ARHGAP25: variants seen among roughly 807,000 people sequenced by gnomAD.
ARHGAP25 encodes Rho GTPase activating protein 25.
ARHGAP25 carries 34 observed loss-of-function variants against 71.0 expected under a neutral mutation model. The ratio of observed to expected loss-of-function variants is 0.48; its 90% CI spans 0.36 to 0.64. The LOEUF (loss-of-function observed/expected upper bound fraction) is 0.64. Among genes scored for constraint, ARHGAP25 ranks in the 30% least tolerant of loss-of-function variants. The pLI, the probability that ARHGAP25 is intolerant of heterozygous loss-of-function variation, is 0.00. For synonymous variants in ARHGAP25, 282 were observed against 296.5 expected, an observed-to-expected ratio of 0.95 and a Z score of 0.50; for missense variants, 706 against 805.1, an observed-to-expected ratio of 0.88 and a Z score of 1.49.
At chr2:68,733,853 C>T (rs959979567), upstream of ARHGAP25, among the ~76,000 whole-genome samples, 1 of 152,196 alleles carries the variant, frequency 6.6e-6, no homozygotes, top group Non-Finnish European at 1.5e-5. Flanking sequence ...GTTCTGAGCA[C>T]TTTGTACTGG....
intron 4 of ARHGAP25, among the ~76,000 whole-genome samples, chr2:68,796,105 G>A (rs1454985114): frequency 1.3e-5 from 2 of 152,042 alleles, no homozygotes; most frequent in Admixed American, 6.6e-5. Flanking sequence ...CTTTTGCTTG[G>A]TCTAGTCTGC....
chr2:68,818,924 C>T (rs940135299), intron 8 of ARHGAP25, among the ~76,000 whole-genome samples, 199 bp from the exon 9 acceptor site: 8 of 152,248 alleles, frequency 5.3e-5, no homozygotes, highest in Admixed American at 3.3e-4. Context: ...ATTCTACTCC[C>T]GTGTCCTTCT....
At chr2:68,794,253 C>T (rs1679386668) in intron 4 of ARHGAP25, among the ~76,000 whole-genome samples, 1 of 152,032 alleles carries the variant, frequency 6.6e-6, no homozygotes, top group East Asian at 1.9e-4. Context: ...ATTTGGATAC[C>T]ACTTATTCCT....
intron 2 of ARHGAP25, among the ~76,000 whole-genome samples, chr2:68,729,248 T>G (rs1309064810): frequency 4.6e-5 from 7 of 152,224 alleles, no homozygotes; most frequent in Non-Finnish European, 1.0e-4. Context: ...TTGCATGGTA[T>G]GTGAATTATG....
chr2:68,750,746 C>G (rs1356746576), intron 1 of ARHGAP25, among the ~76,000 whole-genome samples: 1 of 152,176 alleles, frequency 6.6e-6, no homozygotes, highest in African/African-American at 2.4e-5. Flanking sequence ...CCCTGCAGAC[C>G]GGACTGTCTG....
At chr2:68,740,723 G>C (rs937281853) in intron 1 of ARHGAP25, among the ~76,000 whole-genome samples, 2 of 152,176 alleles carry the variant, frequency 1.3e-5, no homozygotes, top group Non-Finnish European at 2.9e-5. Flanking sequence ...GAACATTTCT[G>C]AACATGCATA....
intron 4 of ARHGAP25, among the ~76,000 whole-genome samples, chr2:68,794,478 A>T (rs1161724287): frequency 6.6e-6 from 1 of 152,120 alleles, no homozygotes; most frequent in East Asian, 1.9e-4. Context: ...TTTATTATGA[A>T]CAGATGCTGA....
At chr2:68,741,122 C>T (rs779706662) in intron 1 of ARHGAP25, among the ~76,000 whole-genome samples, 35 of 152,226 alleles carry the variant, frequency 2.3e-4, no homozygotes, top group Non-Finnish European at 4.4e-4. Flanking sequence ...TCAGATCAGA[C>T]TAGAAGCTGT....
chr2:68,825,657 C>T (rs1682066563), intron 10 of ARHGAP25, among the ~76,000 whole-genome samples: 1 of 151,954 alleles, frequency 6.6e-6, no homozygotes, highest in Non-Finnish European at 1.5e-5. Context: ...CATCTGCAGT[C>T]CCAGCTACTA....
chr2:68,742,469 C>T (rs775696281), intron 1 of ARHGAP25, among the ~76,000 whole-genome samples: 3 of 152,184 alleles, frequency 2.0e-5, no homozygotes, highest in East Asian at 1.9e-4. Flanking sequence ...CACTGTGTGA[C>T]GTTGGACCTC....
intron 1 of ARHGAP25, among the ~76,000 whole-genome samples, chr2:68,735,712 G>A (rs1303521387): frequency 1.3e-5 from 2 of 152,050 alleles, no homozygotes; most frequent in Admixed American, 6.5e-5. Context: ...AAAGGTAGTA[G>A]CAAAAGGTAG....
At chr2:68,801,249 C>CTTCATCA (rs1469304701) in intron 4 of ARHGAP25, among the ~76,000 whole-genome samples, 1 of 152,106 alleles carries the variant, frequency 6.6e-6, no homozygotes, top group Non-Finnish European at 1.5e-5. Flanking sequence ...AGTTCAAAGT[C>CTTCATCA]TTCATCATAT....
chr2:68,800,106 T>C (rs1679861266), intron 4 of ARHGAP25, among the ~76,000 whole-genome samples: 1 of 152,122 alleles, frequency 6.6e-6, no homozygotes. Flanking sequence ...CCAGAGCCTC[T>C]ACCCTCTCCT....
upstream of ARHGAP25, among the ~76,000 whole-genome samples, chr2:68,733,143 G>A (rs1675069429): frequency 2.0e-5 from 3 of 152,178 alleles, no homozygotes; most frequent in South Asian, 6.2e-4. Flanking sequence ...AAACAGACAC[G>A]GAAAAGCCAG....
chr2:68,729,570 C>T (rs1038264958), intron 2 of ARHGAP25, among the ~76,000 whole-genome samples: 1 of 152,104 alleles, frequency 6.6e-6, no homozygotes, highest in Non-Finnish European at 1.5e-5. Context: ...TTTAGTTCCA[C>T]TATTTAATAA....
chr2:68,812,645 C>T (rs1333233923), intron 5 of ARHGAP25, among the ~76,000 whole-genome samples: 1 of 152,176 alleles, frequency 6.6e-6, no homozygotes, highest in African/African-American at 2.4e-5. Context: ...ATTAGCCGCA[C>T]AGTATTGTAA....
chr2:68,715,039 G>C (rs1436091457), intron 2 of ARHGAP25, among the ~76,000 whole-genome samples: 2 of 152,118 alleles, frequency 1.3e-5, no homozygotes, highest in African/African-American at 4.8e-5. Flanking sequence ...TTCCCTGACT[G>C]AGAGGCATGA....
chr2:68,743,266 G>A (rs1675614514), intron 1 of ARHGAP25, among the ~76,000 whole-genome samples: 1 of 152,130 alleles, frequency 6.6e-6, no homozygotes, highest in African/African-American at 2.4e-5. Context: ...CCACTGAAGT[G>A]AGGTTGGAAG....
intron 3 of ARHGAP25, among the ~76,000 whole-genome samples, chr2:68,784,021 G>C (rs1678546569): frequency 6.6e-6 from 1 of 152,126 alleles, no homozygotes; most frequent in East Asian, 1.9e-4. Context: ...TGTGGGCTTT[G>C]CACCAAAAAT....
Sources: gnomAD v4.1 joint callset for allele counts (sites outside exome capture counted in the v4.1 genomes callset) on GRCh38, gnomAD v4.1.1 for gene constraint, MANE v1.5 for transcripts, NCBI Gene and HGNC (gene_info 2026-07-23, HGNC 2026-07-21) for gene names.